Variants in TMEM135 observed in about 807,000 individuals in gnomAD.
The protein encoded by TMEM135 is peroxisomal membrane protein 52.
Under a neutral mutation model 60.3 loss-of-function variants are expected in TMEM135, and 30 were observed. The observed-to-expected ratio is 0.50, with a 90% confidence interval of 0.37 to 0.68. TMEM135 has a LOEUF of 0.68. Among genes scored for constraint, TMEM135 ranks in the 30% least tolerant of loss-of-function variants. TMEM135 has a pLI of 0.00. For missense variants in TMEM135, 468 were observed against 548.8 expected (o/e 0.85, Z 1.47); for synonymous variants, 190 against 186.7 (o/e 1.02, Z -0.14).
intron 6 of TMEM135, among the ~76,000 whole-genome samples, chr11:87,261,408 C>A (rs1941649467): frequency 6.6e-6 from 1 of 151,962 alleles, no homozygotes; most frequent in South Asian, 2.1e-4. Flanking sequence ...CTTTTCTTAT[C>A]CAAAATTTCT....
chr11:87,299,680 GAGCTTATGGTCT>G (rs1384939500), intron 7 of TMEM135, among the ~76,000 whole-genome samples: 2 of 152,202 alleles, frequency 1.3e-5, no homozygotes, highest in African/African-American at 4.8e-5. Context: ...TGTTCTCAGA[GAGCTTATGGTCT>G]AGTGGGGAAG....
At chr11:87,296,289 T>G (rs1942347119) in intron 7 of TMEM135, among the ~76,000 whole-genome samples, 1 of 152,216 alleles carries the variant, frequency 6.6e-6, no homozygotes, top group East Asian at 1.9e-4. Flanking sequence ...TAGTATATAC[T>G]GTAGAAATGT....
intron 6 of TMEM135, among the ~76,000 whole-genome samples, chr11:87,242,176 T>TG (rs2135380143): frequency 6.6e-6 from 1 of 151,306 alleles, no homozygotes; most frequent in East Asian, 1.9e-4. Flanking sequence ...ACAAAGGACA[T>TG]GAACTCATCA....
intron 14 of TMEM135, among the ~76,000 whole-genome samples, chr11:87,320,185 A>C (rs1942797755): frequency 6.6e-6 from 1 of 152,104 alleles, no homozygotes; most frequent in Non-Finnish European, 1.5e-5. Context: ...TTAAATCCTA[A>C]CTGTAAGAGT....
intron 6 of TMEM135, among the ~76,000 whole-genome samples, chr11:87,252,221 C>T (rs941135319): frequency 1.3e-5 from 2 of 151,748 alleles, no homozygotes; most frequent in African/African-American, 2.4e-5. Context: ...AAGAAGCAGA[C>T]GAGATTGATA....
At chr11:87,158,854 T>C (rs1382475599) in intron 5 of TMEM135, among the ~76,000 whole-genome samples, 2 of 152,310 alleles carry the variant, frequency 1.3e-5, no homozygotes, top group East Asian at 3.9e-4. Context: ...GTATGTGGTG[T>C]CATTTTGAAA....
intron 4 of TMEM135, among the ~76,000 whole-genome samples, chr11:87,126,119 G>A (rs12270377): frequency 0.072 from 9,951 of 138,486 alleles, 350 homozygotes; most frequent in African/African-American, 0.09. Flanking sequence ...TGGTCCACCC[G>A]CTTTGGCCTC....
At chr11:87,260,365 A>G (rs1350059437) in intron 6 of TMEM135, among the ~76,000 whole-genome samples, 1 of 152,162 alleles carries the variant, frequency 6.6e-6, no homozygotes, top group Non-Finnish European at 1.5e-5. Flanking sequence ...GATTCTTATG[A>G]AAGATAAGGC....
chr11:87,259,950 A>G (rs1941614089), intron 6 of TMEM135, among the ~76,000 whole-genome samples: 1 of 152,162 alleles, frequency 6.6e-6, no homozygotes, highest in Non-Finnish European at 1.5e-5. Context: ...GCTGTTTATC[A>G]TGTTCCTGTC....
intron 3 of TMEM135, among the ~76,000 whole-genome samples, chr11:87,074,333 T>C (rs1243998361): frequency 6.6e-6 from 1 of 152,208 alleles, no homozygotes; most frequent in African/African-American, 2.4e-5. Context: ...GCCTGACACA[T>C]AGTAAGAGTT....
rs1430036422 is a variant in TMEM135, at chr11:87,324,231, G to C, written c.*2898G>C. ...GCTTCTGTGTGCTCTACATTTCATA[G>C]GTAATGAAAAGCAATGTCCTTTACT... On this transcript the variant is annotated 3_prime_UTR_variant, in exon 15 of 15. Transcript: ENST00000305494. 6.6e-6 allele frequency: 3 copies of C among 453,968 alleles called. No individual in the cohort carries two copies. In the East Asian group the frequency reaches 2.1e-4, roughly 32 times the overall value. 28.1% of individuals were successfully genotyped at this position (453,968 alleles called of 1,614,324 possible).
intron 14 of TMEM135, among the ~76,000 whole-genome samples, chr11:87,320,390 A>G (rs1472200005): frequency 6.6e-6 from 1 of 152,098 alleles, no homozygotes; most frequent in African/African-American, 2.4e-5. Context: ...ATTTTTTGTC[A>G]TTTAGTTTTC....
chr11:87,229,333 AAAAC>A (rs201092158), intron 5 of TMEM135, among the ~76,000 whole-genome samples: 3,168 of 152,250 alleles, frequency 0.021, 49 homozygotes, highest in Middle Eastern at 0.044. Flanking sequence ...GCCAACCAAA[AAAAC>A]AAACAAAAGG....
At chr11:87,239,594 T>A (rs1941084393) in intron 6 of TMEM135, among the ~76,000 whole-genome samples, 1 of 152,046 alleles carries the variant, frequency 6.6e-6, no homozygotes, top group African/African-American at 2.4e-5. Context: ...AATGATATTG[T>A]TCCCAGGACT....
intron 5 of TMEM135, among the ~76,000 whole-genome samples, chr11:87,184,430 T>C (rs1441409629): frequency 6.6e-6 from 1 of 152,180 alleles, no homozygotes; most frequent in African/African-American, 2.4e-5. Context: ...AAAATGGCCT[T>C]TGGGTAAAAA....
At chr11:87,304,389 A>C (rs953003917) in intron 8 of TMEM135, among the ~76,000 whole-genome samples, 5 of 152,120 alleles carry the variant, frequency 3.3e-5, no homozygotes, top group African/African-American at 1.2e-4. Flanking sequence ...ACTTAGAAAA[A>C]AAAAGGAAAC....
rs181014749 is a variant in TMEM135 at position 87,324,651 on chromosome 11, A to C, written c.*3318A>C. On this transcript the variant is annotated 3_prime_UTR_variant, in exon 15 of 15. Coordinates refer to ENST00000305494, the MANE Select transcript of TMEM135 (RefSeq NM_022918.4). Reference sequence around the variant, plus strand: ...TTGCTATGTTGTCCAGGCTGGTCTTAAACTCCTGGCCTCAAGTGATCCTCT... The same window carrying C: ...TTGCTATGTTGTCCAGGCTGGTCTTCAACTCCTGGCCTCAAGTGATCCTCT... The C allele has an allele frequency of 1.6e-5, 7 of 450,038 alleles. No homozygotes were observed. Among genetic ancestry groups the C allele is most frequent in the African/African-American group, 1.4e-4 (7 of 49,542 alleles). 27.9% of individuals were successfully genotyped at this position (450,038 alleles called of 1,614,324 possible). A position where few individuals can be genotyped will look rare whatever the true frequency, so the allele number is the denominator to read the frequency against.
chr11:87,172,918 CAA>C (rs1185507446), intron 5 of TMEM135, among the ~76,000 whole-genome samples: 3 of 151,680 alleles, frequency 2.0e-5, no homozygotes, highest in Admixed American at 6.6e-5. Flanking sequence ...TTCTTATGCA[CAA>C]AGATACTTGA....
At chr11:87,318,343 C>T (rs1481737731) in intron 13 of TMEM135, 108 bp downstream of exon 13, 4 of 814,190 alleles carry the variant, frequency 4.9e-6, no homozygotes, top group Non-Finnish European at 8.0e-6. Context: ...TACAGTATTA[C>T]ATTTTAAGCT....
Sources: allele counts gnomAD v4.1 joint callset (sites outside exome capture counted in the v4.1 genomes callset), GRCh38; gene constraint gnomAD v4.1.1; transcripts MANE v1.5; gene names NCBI Gene and HGNC (gene_info 2026-07-23, HGNC 2026-07-21).